VPS13B: variants seen among roughly 807,000 people sequenced by gnomAD.
VPS13B encodes the protein intermembrane lipid transfer protein VPS13B.
VPS13B carries 285 observed loss-of-function variants against 426.4 expected under a neutral mutation model. The ratio of observed to expected loss-of-function variants is 0.67; its 90% CI spans 0.61 to 0.74. The LOEUF (loss-of-function observed/expected upper bound fraction) is 0.74. VPS13B is among the 30% of genes least tolerant of loss of function. The pLI, the probability that VPS13B is intolerant of heterozygous loss-of-function variation, is 0.00. For synonymous variants in VPS13B, 1,676 were observed against 1,676.4 expected, an observed-to-expected ratio of 1.00 and a Z score of 0.01; for missense variants, 4,537 against 4,782.6, an observed-to-expected ratio of 0.95 and a Z score of 1.51.
Position 99,642,405 on chromosome 8 carries a change from T to C in VPS13B, c.5815T>C (p.Leu1939=), listed in dbSNP as rs751559027. The part of the protein sequence containing the change: ...FLYFIVSQPS[L]LLSCHHRKQR... ...GTACTTTATTGTGTCCCAGCCTTCC[T>C]TGCTTCTGAGTTGTCACCACAGAAA... The change falls in exon 34 of 62, where the codon TTG becomes CTG. Residue 1939 remains leucine, a synonymous_variant. Coordinates refer to ENST00000357162, the MANE Select transcript of VPS13B (RefSeq NM_152564.5). The C allele has an allele frequency of 6.2e-6, 10 of 1,614,114 alleles. No homozygotes were observed. In the South Asian group the frequency reaches 9.9e-5, roughly 16 times the overall value.
rs547441886 is a variant in VPS13B, at chr8:99,089,764, C to G, written c.292-6548C>G. Among the ~76,000 whole-genome samples the G allele has an allele frequency of 1.3e-5, 2 of 152,206 alleles. 1 individual carries two copies. The highest frequency in any genetic ancestry group is 4.2e-4 in the South Asian group (2 of 4,810). Reference sequence around the variant, plus strand: ...GTGCCAGACTCTTAGTTAATTCTCTCCTGTATCAGAGAAAAGACCACCAGG... The same window carrying G: ...GTGCCAGACTCTTAGTTAATTCTCTGCTGTATCAGAGAAAAGACCACCAGG... On this transcript the variant is annotated intron_variant, in intron 3 of 61. Transcript: ENST00000357162.
chr8:99,355,373 A>C (rs1401738844), intron 19 of VPS13B, among the ~76,000 whole-genome samples: 1 of 152,078 alleles, frequency 6.6e-6, no homozygotes, highest in African/African-American at 2.4e-5. Context: ...CGGGTAGATC[A>C]TGAGGTCAAG....
intron 35 of VPS13B, chr8:99,697,608 G>C: frequency 1.5e-6 from 1 of 647,784 alleles, no homozygotes; most frequent in Middle Eastern, 2.6e-4. Flanking sequence ...GGTAGGTGAA[G>C]AAAAATATGT....
intron 35 of VPS13B, among the ~76,000 whole-genome samples, chr8:99,693,085 G>C (rs982918482): frequency 2.8e-5 from 4 of 141,094 alleles, no homozygotes; most frequent in African/African-American, 1.1e-4. Flanking sequence ...TCCAGGACCA[G>C]ATGGATTCAC....
At position 99,076,012 on chromosome 8, in the gene VPS13B, C is replaced by G. The variant is rs1343693875; in HGVS notation, c.292-20300C>G. ...TAGGCATTTATTGCTATAAACTTTC[C>G]TCTTAGTATCGCTTTTCTTGTATCT... On this transcript the variant is annotated intron_variant, in intron 3 of 61. Coordinates refer to ENST00000357162, the MANE Select transcript of VPS13B (RefSeq NM_152564.5). Among the ~76,000 whole-genome samples the G allele has an allele frequency of 3.3e-5, 5 of 151,880 alleles. No homozygotes were observed. In the East Asian group the frequency reaches 9.6e-4, roughly 29 times the overall value.
At chr8:99,623,365 T>G (rs533452112) in intron 33 of VPS13B, among the ~76,000 whole-genome samples, 7 of 152,322 alleles carry the variant, frequency 4.6e-5, no homozygotes, top group African/African-American at 1.7e-4. Context: ...CTCTTGTCTT[T>G]CTCATACCAT....
chr8:99,558,038 C>G (rs72674650), intron 31 of VPS13B, among the ~76,000 whole-genome samples: 26,534 of 151,946 alleles, frequency 0.17, 2,841 homozygotes, highest in East Asian at 0.39. Flanking sequence ...TCATTGTATG[C>G]CTTTTGCAAT....
intron 43 of VPS13B, among the ~76,000 whole-genome samples, chr8:99,786,314 A>G (rs1049362558): frequency 3.3e-5 from 5 of 152,184 alleles, no homozygotes; most frequent in Admixed American, 1.3e-4. Flanking sequence ...TTTGTTATGC[A>G]TATTTTATAG....
intron 43 of VPS13B, among the ~76,000 whole-genome samples, chr8:99,787,874 CAT>C (rs1248094818): frequency 6.6e-6 from 1 of 151,982 alleles, no homozygotes; most frequent in Non-Finnish European, 1.5e-5. Flanking sequence ...TAGCCTCAAA[CAT>C]GTATAATTTA....
chr8:99,778,255 G>A lies in VPS13B; in HGVS notation c.7430-427G>A, dbSNP rs576122595. Among the ~76,000 whole-genome samples, 21 of 150,172 alleles carry A rather than the reference G, an allele frequency of 1.4e-4. No individual in the cohort carries two copies. The South Asian group carries it at 4.2e-3, about 30-fold the overall frequency. ...TCAAAAAAAAAAAAAAAAAATAGCT[G>A]TTGTTAAGCATCTTGCCTTTTCAGC... is the stretch of plus-strand genomic sequence containing the variant. On this transcript the variant is annotated intron_variant, in intron 41 of 61. Transcript: ENST00000357162.
intron 21 of VPS13B, among the ~76,000 whole-genome samples, chr8:99,408,051 A>T (rs1383893695): frequency 2.0e-5 from 3 of 152,100 alleles, no homozygotes; most frequent in Non-Finnish European, 4.4e-5. Flanking sequence ...GTGCAGAGAG[A>T]GCACTGGGAA....
chr8:99,749,590 G>A (rs1215971498), intron 39 of VPS13B, among the ~76,000 whole-genome samples: 2 of 151,972 alleles, frequency 1.3e-5, no homozygotes, highest in Non-Finnish European at 2.9e-5. Context: ...TTTTATGGCT[G>A]AGTAGTACTC....
In VPS13B at chr8:99,360,118, TTATCTTTCTTTCTTTCTTTCTTTC is replaced by T. The variant is rs1222433284; in HGVS notation, c.2825-24088_2825-24065del. 2.3e-4 allele frequency among the ~76,000 whole-genome samples: 28 copies of T among 123,334 alleles called. 1 individual carries two copies. The highest frequency in any genetic ancestry group is 7.2e-4 in the African/African-American group (22 of 30,722). The allele number at this position is 123,334 out of a possible 152,430, so 80.9% of individuals were successfully genotyped here. On this transcript the variant is annotated intron_variant, in intron 19 of 61. Coordinates refer to ENST00000357162, the MANE Select transcript of VPS13B (RefSeq NM_152564.5). ...TGCCCAACCTGTTTTTTTTTTTTCC[TTATCTTTCTTTCTTTCTTTCTTTC>T]TTTCTTTCTTTCTTTCTTTCTTTCT...
chr8:99,867,059 CAA>C (rs1817146087), intron 58 of VPS13B, among the ~76,000 whole-genome samples: 1 of 152,186 alleles, frequency 6.6e-6, no homozygotes, highest in Non-Finnish European at 1.5e-5. Flanking sequence ...ATGTCTCTGT[CAA>C]AACCTAGAGG....
rs2130866481 is a variant in VPS13B, at chr8:99,835,593, A to G, written c.9797A>G (p.His3266Arg). ...AAAATTCCCTCCGAGTGCTCAATTC[A>G]TCATGAGCTGTATCATCAGATTTCC... The part of the protein sequence containing the change: ...CKKIPSECSI[H>R]HELYHQISSY... The change falls in exon 54 of 62, where the codon CAT becomes CGT. Residue 3266 changes from histidine to arginine, a missense_variant. By Grantham distance (29) the His-to-Arg change is conservative. Around this residue, in one of 2 missense-constraint regions of VPS13B, gnomAD observed 4,311 missense variants for 4,474.3 expected, o/e 0.96. Transcript: ENST00000357162. 6.2e-7 allele frequency: 1 copy of G among 1,614,172 alleles called. No individual in the cohort carries two copies.
intron 15 of VPS13B, among the ~76,000 whole-genome samples, chr8:99,164,481 C>T (rs1811875765): frequency 6.6e-6 from 1 of 152,116 alleles, no homozygotes; most frequent in South Asian, 2.1e-4. Context: ...AGGTCTAGGC[C>T]TCAGCAGTTT....
intron 36 of VPS13B, among the ~76,000 whole-genome samples, chr8:99,701,550 G>A (rs1832280798): frequency 6.6e-6 from 1 of 151,954 alleles, no homozygotes; most frequent in Non-Finnish European, 1.5e-5. Context: ...TCTAGTTTTG[G>A]AACTTGTTTT....
intron 34 of VPS13B, among the ~76,000 whole-genome samples, chr8:99,650,941 A>G (rs943445271): frequency 6.6e-6 from 1 of 152,106 alleles, no homozygotes; most frequent in Non-Finnish European, 1.5e-5. Flanking sequence ...CATAACAACT[A>G]TTTACATAGC....
chr8:99,776,390 C>T (rs1190142442), intron 40 of VPS13B, among the ~76,000 whole-genome samples: 1 of 152,170 alleles, frequency 6.6e-6, no homozygotes, highest in East Asian at 1.9e-4. Context: ...ACAGCCTTGA[C>T]CTGCTGTGCT....
Sources: gnomAD v4.1 joint callset for allele counts (sites outside exome capture counted in the v4.1 genomes callset) on GRCh38, gnomAD v4.1.1 for gene constraint, gnomAD v4.1.1 regional missense constraint, MANE v1.5 for transcripts, NCBI Gene and HGNC (gene_info 2026-07-23, HGNC 2026-07-21) for gene names.